Variants in ADORA2B observed in about 807,000 individuals in gnomAD.
The protein encoded by ADORA2B is adenosine A2b receptor, also known as adenosine receptor A2b.
Under a neutral mutation model 20.8 loss-of-function variants are expected in ADORA2B, and 18 were observed. The observed-to-expected ratio is 0.87, with a 90% CI of 0.60 to 1.29. ADORA2B has a LOEUF of 1.29. Among genes scored for constraint, ADORA2B ranks in the 50% most tolerant of loss-of-function variants. The probability of loss-of-function intolerance (pLI) is 0.00; values close to 1 mark genes in which losing one functional copy is unlikely to be tolerated. For synonymous variants in ADORA2B, 179 were observed against 178.3 expected (o/e 1.00, Z -0.03); for missense variants, 441 against 422.7 (o/e 1.04, Z -0.38).
chr17:15,947,567 C>G (rs746757150), intron 1 of ADORA2B, among the ~76,000 whole-genome samples: 20 of 152,166 alleles, frequency 1.3e-4, no homozygotes, highest in Non-Finnish European at 2.5e-4. Flanking sequence ...CTTCCTGGCC[C>G]GTCCAGAGCT....
the ADORA2B span, among the ~76,000 whole-genome samples, chr17:15,896,097 G>A: frequency 6.6e-6 from 1 of 152,300 alleles, no homozygotes; most frequent in African/African-American, 2.4e-5. Context: ...AAGAGGTTTG[G>A]AGTCCAGATT....
chr17:15,948,398 C>CGATG (rs1969842672), intron 1 of ADORA2B, among the ~76,000 whole-genome samples: 2 of 22,602 alleles, frequency 8.8e-5, no homozygotes, highest in African/African-American at 6.7e-5. Flanking sequence ...TGGGCCCTGG[C>CGATG]GGCGGGGGGC....
At chr17:15,911,443 G>C in the ADORA2B span, among the ~76,000 whole-genome samples, 9 of 152,248 alleles carry the variant, frequency 5.9e-5, no homozygotes, top group East Asian at 1.7e-3. Flanking sequence ...ACTGTGATTG[G>C]CTCTGAGTGA....
chr17:15,947,849 C>G (rs1969829320), intron 1 of ADORA2B, among the ~76,000 whole-genome samples: 3 of 152,180 alleles, frequency 2.0e-5, no homozygotes, highest in South Asian at 4.1e-4. Context: ...CGAGGGGATT[C>G]CAGCAGTGGG....
the ADORA2B span, among the ~76,000 whole-genome samples, chr17:15,902,012 A>G: frequency 1.4e-4 from 21 of 151,984 alleles, no homozygotes; most frequent in Non-Finnish European, 2.1e-4. Context: ...CTCTGCGCCC[A>G]TTAAACATTA....
chr17:15,916,876 AT>A, the ADORA2B span, among the ~76,000 whole-genome samples: 1 of 152,202 alleles, frequency 6.6e-6, no homozygotes, highest in African/African-American at 2.4e-5. Flanking sequence ...AGGCTCAATA[AT>A]TTGCCTAAAG....
the ADORA2B span, among the ~76,000 whole-genome samples, chr17:15,935,214 C>T: frequency 1.3e-5 from 2 of 152,136 alleles, no homozygotes; most frequent in Non-Finnish European, 2.9e-5. Flanking sequence ...GCTTTCATTT[C>T]AGCCTGAATA....
intron 1 of ADORA2B, among the ~76,000 whole-genome samples, chr17:15,967,596 T>C (rs989680380): frequency 1.3e-5 from 2 of 152,052 alleles, no homozygotes; most frequent in African/African-American, 2.4e-5. Flanking sequence ...CCAGGGCACG[T>C]GGGGAAGGAC....
At chr17:15,964,426 G>A (rs1406063162) in intron 1 of ADORA2B, among the ~76,000 whole-genome samples, 1 of 151,562 alleles carries the variant, frequency 6.6e-6, no homozygotes, top group Non-Finnish European at 1.5e-5. Flanking sequence ...GGCCAGCATG[G>A]TGAAACCCTG....
Position 15,975,356 on chromosome 17 carries a change from C to A in ADORA2B, c.*14C>A. On this transcript the variant is annotated 3_prime_UTR_variant, in exon 2 of 2. Transcript: ENST00000304222. The stretch of plus-strand genomic sequence containing the variant: ...GTGGGCCTATGATCTAGGCTCTCGC[C>A]TCTTCCAGGAGAAGATACAAATCCA... 2 of 1,597,898 alleles carry A rather than the reference C, an allele frequency of 1.3e-6. No homozygotes were observed. Among genetic ancestry groups the A allele is most frequent in the South Asian group, 2.2e-5 (2 of 89,374 alleles).
At position 15,954,766 on chromosome 17, in the gene ADORA2B, C is replaced by A. The variant is rs7226108; in HGVS notation, c.335+9183C>A. Among the ~76,000 whole-genome samples, 1,341 of 152,024 alleles carry A rather than the reference C, an allele frequency of 8.8e-3. 24 individuals carry two copies. Among genetic ancestry groups the A allele is most frequent in the African/African-American group, 0.03 (1,255 of 41,460 alleles). On this transcript the variant is annotated intron_variant, in intron 1 of 1. Coordinates refer to ENST00000304222, the MANE Select transcript of ADORA2B (RefSeq NM_000676.4). The stretch of plus-strand genomic sequence containing the variant: ...TGGGCAACAGAGTGAGACCCTGTCT[C>A]AAAAAAAATTTTTTATTTCTCACAT...
the ADORA2B span, among the ~76,000 whole-genome samples, chr17:15,898,588 C>T: frequency 5.9e-5 from 9 of 151,556 alleles, no homozygotes; most frequent in African/African-American, 1.9e-4. Flanking sequence ...AGGCTGGTCT[C>T]GAACTCCTGA....
chr17:15,905,097 A>G, the ADORA2B span, among the ~76,000 whole-genome samples: 1 of 152,176 alleles, frequency 6.6e-6, no homozygotes, highest in Non-Finnish European at 1.5e-5. Flanking sequence ...TTAGGATTGC[A>G]TTGTATCTGT....
the ADORA2B span, among the ~76,000 whole-genome samples, chr17:15,906,135 C>G: frequency 6.6e-6 from 1 of 152,170 alleles, no homozygotes; most frequent in Admixed American, 6.5e-5. Flanking sequence ...GCTAGAACTT[C>G]CAGTACAATG....
the ADORA2B span, among the ~76,000 whole-genome samples, chr17:15,882,960 G>A: frequency 2.0e-5 from 3 of 152,120 alleles, no homozygotes; most frequent in Admixed American, 1.3e-4. Context: ...TTCCCTCTCC[G>A]TCCCCCAGGA....
At chr17:15,939,034 C>G in the ADORA2B span, among the ~76,000 whole-genome samples, 5 of 152,116 alleles carry the variant, frequency 3.3e-5, no homozygotes, top group African/African-American at 1.2e-4. Context: ...TCTACTCTTA[C>G]TTTATTTATA....
the ADORA2B span, among the ~76,000 whole-genome samples, chr17:15,878,738 A>G: frequency 5.3e-5 from 8 of 152,328 alleles, no homozygotes; most frequent in South Asian, 2.1e-4. Context: ...TAGTTTATCA[A>G]TTAAGGGAAG....
At chr17:15,936,842 G>A in the ADORA2B span, among the ~76,000 whole-genome samples, 1 of 152,146 alleles carries the variant, frequency 6.6e-6, no homozygotes, top group Admixed American at 6.6e-5. Flanking sequence ...TGTAGTTCCA[G>A]CTACTCAGGA....
the ADORA2B span, among the ~76,000 whole-genome samples, chr17:15,868,933 G>A: frequency 6.0e-5 from 9 of 151,168 alleles, no homozygotes; most frequent in South Asian, 6.3e-4. Context: ...TGTTGGGAGG[G>A]AGTACATCGG....
Sources: gnomAD v4.1 joint callset for allele counts (sites outside exome capture counted in the v4.1 genomes callset) on GRCh38, gnomAD v4.1.1 for gene constraint, MANE v1.5 for transcripts, NCBI Gene and HGNC (gene_info 2026-07-23, HGNC 2026-07-21) for gene names.